NELL1: variants seen among roughly 807,000 people sequenced by gnomAD.
NELL1 encodes the protein protein kinase C-binding protein NELL1.
NELL1 carries 76 observed loss-of-function variants against 107.4 expected under a neutral mutation model. The ratio of observed to expected loss-of-function variants is 0.71; its 90% confidence interval spans 0.59 to 0.86. The LOEUF (loss-of-function observed/expected upper bound fraction) is 0.86, where lower values mean the gene tolerates loss of function less well. NELL1 is among the 40% of genes least tolerant of loss of function. The pLI is 0.00. For synonymous variants in NELL1, 353 were observed against 341.2 expected, an observed-to-expected ratio of 1.03 and a Z score of -0.38; for missense variants, 1,024 against 1,005.5, an observed-to-expected ratio of 1.02 and a Z score of -0.25.
At chr11:21,303,733 C>T (rs1037171575) in intron 14 of NELL1, among the ~76,000 whole-genome samples, 15 of 152,034 alleles carry the variant, frequency 9.9e-5, no homozygotes, top group African/African-American at 2.4e-4. Context: ...GCACTATTCA[C>T]GATAGCAAAG....
At chr11:21,306,814 G>A (rs1849614691) in intron 14 of NELL1, among the ~76,000 whole-genome samples, 1 of 152,002 alleles carries the variant, frequency 6.6e-6, no homozygotes, top group Admixed American at 6.6e-5. Context: ...CTGAGTTTGT[G>A]AAAGTTTTTC....
chr11:21,522,974 A>G (rs937490705), intron 15 of NELL1, among the ~76,000 whole-genome samples: 1 of 150,054 alleles, frequency 6.7e-6, no homozygotes, highest in African/African-American at 2.5e-5. Context: ...GCTCCCGAGT[A>G]GCTGGGACTA....
chr11:21,295,347 G>A (rs1271356203), intron 14 of NELL1, among the ~76,000 whole-genome samples: 1 of 151,984 alleles, frequency 6.6e-6, no homozygotes, highest in African/African-American at 2.4e-5. Context: ...CCAGACAAAC[G>A]AGATCATTTG....
intron 13 of NELL1, among the ~76,000 whole-genome samples, chr11:21,162,912 G>T (rs1465418672): frequency 1.3e-5 from 2 of 152,270 alleles, no homozygotes; most frequent in South Asian, 4.1e-4. Flanking sequence ...ATCACAGCTG[G>T]TATATACCCA....
chr11:20,689,523 A>G (rs988461868), intron 2 of NELL1, among the ~76,000 whole-genome samples: 4 of 143,880 alleles, frequency 2.8e-5, no homozygotes, highest in African/African-American at 1.0e-4. Context: ...TCTATGAGTG[A>G]GAACATGCGG....
At chr11:21,246,333 T>G (rs533094340) in intron 14 of NELL1, among the ~76,000 whole-genome samples, 1 of 152,274 alleles carries the variant, frequency 6.6e-6, no homozygotes, top group South Asian at 2.1e-4. Flanking sequence ...TATGTAACAC[T>G]GAAATTGTCA....
At chr11:21,085,590 C>A (rs1044757936) in intron 12 of NELL1, among the ~76,000 whole-genome samples, 36 of 152,074 alleles carry the variant, frequency 2.4e-4, no homozygotes, top group African/African-American at 8.7e-4. Context: ...GAACCATGAT[C>A]ACACCACTGC....
At chr11:21,170,057 G>C (rs1856570658) in intron 13 of NELL1, 1 of 1,106,256 alleles carries the variant, frequency 9.0e-7, no homozygotes, top group African/African-American at 1.6e-5. Context: ...CCCTGAGCCT[G>C]AACCCAGCCT....
At chr11:21,204,892 G>A (rs576572089) in intron 13 of NELL1, among the ~76,000 whole-genome samples, 3 of 152,254 alleles carry the variant, frequency 2.0e-5, no homozygotes, top group Non-Finnish European at 2.9e-5. Flanking sequence ...GCTAGAGTTT[G>A]CTGGAGGTCC....
At chr11:20,856,666 T>C (rs1286047210) in intron 4 of NELL1, among the ~76,000 whole-genome samples, 2 of 152,250 alleles carry the variant, frequency 1.3e-5, no homozygotes, top group Non-Finnish European at 2.9e-5. Flanking sequence ...CCAGGTCTGA[T>C]GCTGTTTTTG....
chr11:20,994,191 A>G (rs1006827267), intron 12 of NELL1, among the ~76,000 whole-genome samples: 1 of 150,810 alleles, frequency 6.6e-6, no homozygotes, highest in African/African-American at 2.5e-5. Flanking sequence ...AGGTTTGAAA[A>G]CACATACACC....
intron 12 of NELL1, among the ~76,000 whole-genome samples, chr11:21,016,075 T>G (rs1403523328): frequency 6.6e-6 from 1 of 152,122 alleles, no homozygotes; most frequent in African/African-American, 2.4e-5. Flanking sequence ...TTGTGGTGCT[T>G]ATCGGCATTA....
Position 21,342,421 on chromosome 11 carries a change from G to A in NELL1, c.1550-28432G>A, listed in dbSNP as rs969230675. Among the ~76,000 whole-genome samples the A allele has an allele frequency of 2.7e-5, 4 of 145,580 alleles. No homozygotes were observed. The South Asian group carries it at 9.3e-4, about 34-fold the overall frequency. ...TTTGAGAGGCTTAAGTGGGGGGGGG[G>A]GTCACTTGAGGCCAGGAGTTCGAGA... On this transcript the variant is annotated intron_variant, in intron 14 of 19. Coordinates refer to ENST00000357134, the MANE Select transcript of NELL1 (RefSeq NM_006157.5).
At chr11:21,539,598 C>T (rs1856238683) in intron 16 of NELL1, among the ~76,000 whole-genome samples, 1 of 151,624 alleles carries the variant, frequency 6.6e-6, no homozygotes, top group Non-Finnish European at 1.5e-5. Context: ...ACACTCCTCT[C>T]TGAGTGTCCC....
chr11:21,555,264 A>G (rs887306561), intron 16 of NELL1, among the ~76,000 whole-genome samples: 1 of 151,922 alleles, frequency 6.6e-6, no homozygotes, highest in Non-Finnish European at 1.5e-5. Flanking sequence ...GAAGGGTCAC[A>G]GAGAGAGCTC....
intron 5 of NELL1, among the ~76,000 whole-genome samples, chr11:20,890,941 A>T (rs747597906): frequency 6.6e-6 from 1 of 152,156 alleles, no homozygotes; most frequent in Non-Finnish European, 1.5e-5. Context: ...ACACTTCAGG[A>T]TATTATCCAG....
intron 15 of NELL1, among the ~76,000 whole-genome samples, chr11:21,400,663 C>A (rs1852076668): frequency 6.6e-6 from 1 of 151,922 alleles, no homozygotes; most frequent in Admixed American, 6.6e-5. Flanking sequence ...CCAAGCCAGA[C>A]TACATTAAAA....
chr11:21,361,215 A>C (rs1851067556), intron 14 of NELL1, among the ~76,000 whole-genome samples: 2 of 144,774 alleles, frequency 1.4e-5, no homozygotes, highest in African/African-American at 5.1e-5. Context: ...TTTCTCCTTC[A>C]TTTATGAAAC....
intron 10 of NELL1, among the ~76,000 whole-genome samples, chr11:20,944,754 A>G (rs141386378): frequency 1.1e-3 from 170 of 152,336 alleles, no homozygotes; most frequent in African/African-American, 3.9e-3. Context: ...AATGGTAATC[A>G]CAGTTCATAT....
Sources: allele counts gnomAD v4.1 joint callset (sites outside exome capture counted in the v4.1 genomes callset), GRCh38; gene constraint gnomAD v4.1.1; transcripts MANE v1.5; gene names NCBI Gene and HGNC (gene_info 2026-07-23, HGNC 2026-07-21).